GALNT10: variants seen among roughly 807,000 people sequenced by gnomAD.
GALNT10 encodes polypeptide N-acetylgalactosaminyltransferase 10.
Under a neutral mutation model 75.0 loss-of-function variants are expected in GALNT10, and 41 were observed. That is an observed-to-expected ratio of 0.55 (90% CI 0.43 to 0.71). The LOEUF (loss-of-function observed/expected upper bound fraction) is 0.71, where lower values mean the gene tolerates loss of function less well. Ranked by LOEUF, GALNT10 falls within the 30% of genes least tolerant of loss-of-function variation. GALNT10 has a pLI of 0.00. For missense variants in GALNT10, 727 were observed against 818.5 expected (o/e 0.89, Z 1.36); for synonymous variants, 302 against 313.0 (o/e 0.96, Z 0.37).
intron 3 of GALNT10, among the ~76,000 whole-genome samples, chr5:154,319,091 C>CA (rs1754638947): frequency 6.6e-6 from 1 of 152,228 alleles, no homozygotes; most frequent in South Asian, 2.1e-4. Flanking sequence ...CTTTGACCCT[C>CA]AGCTGGACCA....
chr5:154,380,615 C>G lies in GALNT10; in HGVS notation c.922C>G (p.Pro308Ala), dbSNP rs751050579. The change falls in exon 6 of 12, where the codon CCC becomes GCC. Residue 308 changes from proline (P) to alanine (A), a missense_variant. By Grantham distance (27) the Pro-to-Ala change is conservative. Transcript: ENST00000297107. ...PIPPELQKAD[P>A]SDPFESPVMA... ...CCCTCCAGAACTGCAGAAAGCTGAC[C>G]CCAGCGACCCATTTGAGTAAGTATG... The G allele has an allele frequency of 2.5e-6, 4 of 1,612,046 alleles. No homozygotes were observed. In the African/African-American group the frequency reaches 4.0e-5, roughly 16 times the overall value.
At chr5:154,317,109 C>CG (rs1754604735) in intron 3 of GALNT10, among the ~76,000 whole-genome samples, 1 of 152,156 alleles carries the variant, frequency 6.6e-6, no homozygotes, top group Non-Finnish European at 1.5e-5. Context: ...AGGAACTTGC[C>CG]GGGGTCTCAC....
At chr5:154,322,780 C>G (rs1754695195) in intron 3 of GALNT10, among the ~76,000 whole-genome samples, 1 of 152,216 alleles carries the variant, frequency 6.6e-6, no homozygotes, top group Non-Finnish European at 1.5e-5. Flanking sequence ...CTGCCTGGAT[C>G]CTGGCCTCCC....
intron 1 of GALNT10, among the ~76,000 whole-genome samples, chr5:154,230,313 G>A (rs1753128713): frequency 6.6e-6 from 1 of 152,152 alleles, no homozygotes; most frequent in African/African-American, 2.4e-5. Context: ...GTCATTTGGG[G>A]AATACTAAGT....
chr5:154,237,833 T>C (rs1581932982), intron 1 of GALNT10, among the ~76,000 whole-genome samples: 1 of 152,188 alleles, frequency 6.6e-6, no homozygotes, highest in African/African-American at 2.4e-5. Context: ...TAACATGACT[T>C]ATCACTGTCG....
At chr5:154,240,518 C>T (rs1255004386) in intron 1 of GALNT10, among the ~76,000 whole-genome samples, 1 of 152,148 alleles carries the variant, frequency 6.6e-6, no homozygotes, top group Non-Finnish European at 1.5e-5. Context: ...TCTTCAGATA[C>T]TTAAGGACAT....
chr5:154,360,652 G>A (rs76969298), intron 4 of GALNT10, among the ~76,000 whole-genome samples: 2 of 152,046 alleles, frequency 1.3e-5, no homozygotes, highest in African/African-American at 2.4e-5. Context: ...GATATATTCC[G>A]AAGTCCCAAC....
intron 3 of GALNT10, among the ~76,000 whole-genome samples, chr5:154,309,527 G>A (rs777585201): frequency 6.6e-6 from 1 of 152,198 alleles, no homozygotes. Context: ...GCAGGGGAGC[G>A]TGAGAGTGAG....
At chr5:154,344,561 C>T (rs73283314) in intron 4 of GALNT10, among the ~76,000 whole-genome samples, 1,654 of 152,146 alleles carry the variant, frequency 0.011, 27 homozygotes, top group African/African-American at 0.038. Context: ...ACAGATATTC[C>T]GCTTCTATTC....
At chr5:154,292,550 C>A (rs983326469) in intron 1 of GALNT10, among the ~76,000 whole-genome samples, 3 of 152,126 alleles carry the variant, frequency 2.0e-5, no homozygotes, top group African/African-American at 7.2e-5. Context: ...GCTAACTAGC[C>A]CCTAACTGAT....
Position 154,294,883 on chromosome 5 carries a change from A to T in GALNT10, c.227A>T (p.Asp76Val). Residue 76 changes from aspartate (D) to valine (V), a missense_variant, in exon 2 of 12, where the codon GAC (aspartate) becomes GTC (valine). Transcript: ENST00000297107. ...GDGQKLKDWH[D>V]KEAIRRDAQR... ...GGGCAGAAGCTGAAGGACTGGCATG[A>T]CAAGGAGGCCATCCGGAGGGACGCT... 2 of 1,603,456 alleles carry T rather than the reference A, an allele frequency of 1.2e-6. No individual in the cohort carries two copies. Among genetic ancestry groups the T allele is most frequent in the Non-Finnish European group, 1.7e-6 (2 of 1,170,214 alleles).
At chr5:154,291,421 A>C (rs1245659468) in intron 1 of GALNT10, among the ~76,000 whole-genome samples, 1 of 152,110 alleles carries the variant, frequency 6.6e-6, no homozygotes, top group Admixed American at 6.5e-5. Flanking sequence ...CCCGCCCTAG[A>C]CCTACTGTGC....
At chr5:154,354,688 C>A (rs924987022) in intron 4 of GALNT10, among the ~76,000 whole-genome samples, 2 of 152,058 alleles carry the variant, frequency 1.3e-5, no homozygotes, top group African/African-American at 2.4e-5. Context: ...GGGGGGGTAT[C>A]GTTGGGGAGA....
chr5:154,226,107 C>T (rs527991495), intron 1 of GALNT10, among the ~76,000 whole-genome samples: 1 of 150,026 alleles, frequency 6.7e-6, no homozygotes, highest in Non-Finnish European at 1.5e-5. Flanking sequence ...GTATTGTGCA[C>T]ATGTACCATA....
chr5:154,190,966 C>G lies in GALNT10; in HGVS notation c.100C>G (p.Arg34Gly). 6.6e-7 allele frequency: 1 copy of G among 1,506,906 alleles called. No individual in the cohort carries two copies. The highest frequency in any genetic ancestry group is 8.9e-7 in the Non-Finnish European group (1 of 1,129,314). 93.3% of individuals were successfully genotyped at this position (1,506,906 alleles called of 1,614,324 possible). A position where few individuals can be genotyped will look rare whatever the true frequency, so the allele number is the denominator to read the frequency against. ...GGGGCTTTGGGCGCTGTACCGCGAG[C>G]GGCAGCCCGACGGCACCCCTGGGGG... is the stretch of plus-strand genomic sequence containing the variant. Reference protein sequence around the residue: ...NVGLWALYRERQPDGTPGGSG... With the variant: ...NVGLWALYREGQPDGTPGGSG... The change falls in exon 1 of 12, where the codon CGG becomes GGG. Residue 34 changes from arginine to glycine, a missense_variant. Physicochemically the swap from Arg to Gly is moderately radical, Grantham distance 125 (BLOSUM62 -2). Transcript: ENST00000297107.
chr5:154,410,631 G>C (rs1227483252), intron 9 of GALNT10, among the ~76,000 whole-genome samples: 4 of 152,162 alleles, frequency 2.6e-5, no homozygotes, highest in Non-Finnish European at 5.9e-5. Flanking sequence ...AGTAACGCAA[G>C]TAAGAAAGAA....
intron 2 of GALNT10, among the ~76,000 whole-genome samples, chr5:154,295,300 T>C (rs968238039): frequency 3.3e-5 from 5 of 152,214 alleles, no homozygotes; most frequent in African/African-American, 9.6e-5. Flanking sequence ...CCAGCATTTA[T>C]TGAACACCTA....
chr5:154,380,655 G>C (rs774630410), intron 6 of GALNT10, 24 bp downstream of exon 6: 1 of 1,561,868 alleles, frequency 6.4e-7, no homozygotes, highest in South Asian at 1.1e-5. Context: ...ACCCTGGCTG[G>C]TCCCAGTGGC....
chr5:154,380,962 G>T (rs951897134), intron 6 of GALNT10, among the ~76,000 whole-genome samples: 2 of 152,110 alleles, frequency 1.3e-5, no homozygotes, highest in Admixed American at 6.5e-5. Flanking sequence ...CAAGTGCCCA[G>T]CCCAGTACTA....
Sources: allele counts gnomAD v4.1 joint callset (sites outside exome capture counted in the v4.1 genomes callset), GRCh38; gene constraint gnomAD v4.1.1; transcripts MANE v1.5; gene names NCBI Gene and HGNC (gene_info 2026-07-23, HGNC 2026-07-21).